The following PDE11A variants were observed in gnomAD, a reference collection of about 807,000 sequenced individuals.
PDE11A encodes the protein dual 3',5'-cyclic-AMP and -GMP phosphodiesterase 11A.
In PDE11A, 100 loss-of-function variants were observed where a neutral mutation model predicts 100.5. That is an observed-to-expected ratio of 1.00 (90% confidence interval 0.85 to 1.18). The LOEUF (loss-of-function observed/expected upper bound fraction) is 1.18, where lower values mean the gene tolerates loss of function less well. Ranked by LOEUF, PDE11A falls within the 50% of genes most tolerant of loss-of-function variation. The pLI is 0.00. For missense variants in PDE11A, 1,141 were observed against 1,152.6 expected, an observed-to-expected ratio of 0.99 and a Z score of 0.15; for synonymous variants, 381 against 420.8, an observed-to-expected ratio of 0.91 and a Z score of 1.16.
At chr2:178,084,827 T>A (rs999621554) in intron 2 of PDE11A, among the ~76,000 whole-genome samples, 4 of 152,142 alleles carry the variant, frequency 2.6e-5, no homozygotes, top group Non-Finnish European at 5.9e-5. Flanking sequence ...TGACTTGCAT[T>A]CCTCCTTCAG....
rs375316487 is a variant in PDE11A, at chr2:177,815,172, T to C, written c.1737+1657A>G. ...GGTGAAGGAGGCATAACTCAACATT[T>C]GCTGTTCTAAATTCCTGTCCTTTGC... On this transcript the variant is annotated intron_variant, in intron 9 of 19. Transcript: ENST00000286063. 5.3e-5 allele frequency among the ~76,000 whole-genome samples: 8 copies of C among 152,302 alleles called. No individual in the cohort carries two copies. In the East Asian group the frequency reaches 1.3e-3, roughly 26 times the overall value.
In PDE11A at chr2:177,857,362, G is replaced by A. The variant is rs760280781; in HGVS notation, c.1368-16979C>T. Among the ~76,000 whole-genome samples the A allele has an allele frequency of 3.3e-5, 5 of 151,888 alleles. No homozygotes were observed. The East Asian group carries it at 9.6e-4, about 29-fold the overall frequency. ...AATCTGAATCCACATGAAGAATAAA[G>A]AGAACCGATAAAGAAAATTTTATAA... On this transcript the variant is annotated intron_variant, in intron 5 of 19. Coordinates refer to ENST00000286063, the MANE Select transcript of PDE11A (RefSeq NM_016953.4).
intron 2 of PDE11A, among the ~76,000 whole-genome samples, chr2:178,093,390 G>A (rs2087447700): frequency 6.6e-6 from 1 of 151,878 alleles, no homozygotes; most frequent in African/African-American, 2.4e-5. Flanking sequence ...AAGAATTTAT[G>A]ACTACTAACT....
intron 9 of PDE11A, among the ~76,000 whole-genome samples, chr2:177,789,144 G>A (rs1431406412): frequency 2.0e-5 from 3 of 152,072 alleles, no homozygotes; most frequent in Admixed American, 6.5e-5. Flanking sequence ...CCTCAATAAA[G>A]TACTGGCAAA....
chr2:177,637,999 T>TATATATATATATATATATATA (rs1559120768), intron 19 of PDE11A, among the ~76,000 whole-genome samples: 1 of 35,344 alleles, frequency 2.8e-5, no homozygotes, highest in African/African-American at 1.0e-4. Flanking sequence ...ATATATATAT[T>TATATATATATATATATATATA]TTTTTTTTTT....
chr2:177,701,214 G>C lies in PDE11A; in HGVS notation c.2154-3C>G, dbSNP rs772223247. The C allele has an allele frequency of 1.4e-6, 2 of 1,475,620 alleles. No homozygotes were observed. The highest frequency in any genetic ancestry group is 4.5e-5 in the East Asian group (2 of 44,240). 91.4% of individuals were successfully genotyped at this position (1,475,620 alleles called of 1,614,324 possible). ...GTTGGGCCAGGGCAGAGCCACTCCTGAAAGAGGACAGAGGGTGAGTGAGCA... is the reference window on the plus strand; with the variant it reads ...GTTGGGCCAGGGCAGAGCCACTCCTCAAAGAGGACAGAGGGTGAGTGAGCA... On this transcript the variant is annotated splice_polypyrimidine_tract_variant and splice_region_variant and intron_variant, in intron 13 of 19. Coordinates refer to ENST00000286063, the MANE Select transcript of PDE11A (RefSeq NM_016953.4).
At chr2:177,742,491 C>T (rs1408158276) in intron 10 of PDE11A, among the ~76,000 whole-genome samples, 1 of 152,142 alleles carries the variant, frequency 6.6e-6, no homozygotes, top group African/African-American at 2.4e-5. Flanking sequence ...GACTGCTCTC[C>T]ATCGAAGTTG....
At chr2:177,904,088 T>G (rs1016614010) in intron 3 of PDE11A, among the ~76,000 whole-genome samples, 2 of 152,352 alleles carry the variant, frequency 1.3e-5, no homozygotes, top group South Asian at 2.1e-4. Flanking sequence ...GTTTCAAACC[T>G]TTTTGAACAT....
chr2:177,835,822 C>A (rs2083388640), intron 6 of PDE11A, among the ~76,000 whole-genome samples: 1 of 152,192 alleles, frequency 6.6e-6, no homozygotes, highest in Non-Finnish European at 1.5e-5. Context: ...CCCGGGCCAG[C>A]AGCTGCAGAG....
At chr2:177,645,131 T>C (rs933389247) in intron 19 of PDE11A, among the ~76,000 whole-genome samples, 1 of 152,264 alleles carries the variant, frequency 6.6e-6, no homozygotes, top group Non-Finnish European at 1.5e-5. Context: ...CAAACTTGAC[T>C]ACGGCAGCCA....
chr2:178,043,193 T>C (rs1397595001), intron 1 of PDE11A, among the ~76,000 whole-genome samples: 4 of 152,176 alleles, frequency 2.6e-5, no homozygotes, highest in African/African-American at 9.7e-5. Flanking sequence ...ACATTTTTAA[T>C]AAGAATCAAT....
At chr2:177,838,255 C>G (rs2083436262) in intron 6 of PDE11A, among the ~76,000 whole-genome samples, 1 of 152,190 alleles carries the variant, frequency 6.6e-6, no homozygotes, top group African/African-American at 2.4e-5. Flanking sequence ...TAGCCTTGCT[C>G]TTAAAGGGCT....
intron 9 of PDE11A, among the ~76,000 whole-genome samples, chr2:177,814,622 C>T (rs2083007814): frequency 6.6e-6 from 1 of 152,172 alleles, no homozygotes; most frequent in Non-Finnish European, 1.5e-5. Flanking sequence ...TATAAGTCAA[C>T]TTCTTGAAAG....
intron 10 of PDE11A, among the ~76,000 whole-genome samples, chr2:177,764,634 C>T (rs139019607): frequency 0.011 from 1,657 of 152,278 alleles, 36 homozygotes; most frequent in African/African-American, 0.037. Flanking sequence ...ATGTAATTGT[C>T]AATGTGGTCT....
Position 178,071,775 on chromosome 2 carries a change from C to G in PDE11A, c.663G>C (p.Leu221=), listed in dbSNP as rs150597858. Residue 221 remains leucine, a synonymous_variant, in exon 1 of 20, where the codon CTG becomes CTC. Coordinates refer to ENST00000286063, the MANE Select transcript of PDE11A (RefSeq NM_016953.4). ...DISNDLDLTS[L]SYKILIFVCL... is the part of the protein sequence containing the mutation. ...AGACAAAGATGAGAATCTTGTAGCT[C>G]AGGCTGGTGAGGTCAAGGTCATTGG... 6.2e-7 allele frequency: 1 copy of G among 1,613,844 alleles called. No individual in the cohort carries two copies.
intron 2 of PDE11A, among the ~76,000 whole-genome samples, chr2:177,965,133 T>C (rs183966574): frequency 1.9e-4 from 29 of 152,320 alleles, no homozygotes; most frequent in Admixed American, 1.4e-3. Flanking sequence ...TTGCTGAGCT[T>C]TTTTCACATG....
At chr2:177,863,991 C>CAT (rs2083988212) in intron 5 of PDE11A, among the ~76,000 whole-genome samples, 1 of 151,922 alleles carries the variant, frequency 6.6e-6, no homozygotes, top group African/African-American at 2.4e-5. Flanking sequence ...TCAAGTGGTA[C>CAT]ATATATATAA....
At chr2:178,089,101 T>C (rs1422867122) in intron 2 of PDE11A, among the ~76,000 whole-genome samples, 1 of 152,150 alleles carries the variant, frequency 6.6e-6, no homozygotes, top group Non-Finnish European at 1.5e-5. Flanking sequence ...CTACGATTGA[T>C]GTGAATAAGG....
chr2:178,009,055 T>G (rs1546813), intron 2 of PDE11A, among the ~76,000 whole-genome samples: 100,521 of 152,070 alleles, frequency 0.66, 35,116 homozygotes, highest in South Asian at 0.78. Flanking sequence ...TTAGGGCAGA[T>G]GTATAGGAAC....
Sources: gnomAD v4.1 joint callset for allele counts (sites outside exome capture counted in the v4.1 genomes callset) on GRCh38, gnomAD v4.1.1 for gene constraint, MANE v1.5 for transcripts, NCBI Gene and HGNC (gene_info 2026-07-23, HGNC 2026-07-21) for gene names.